CECR2: variants seen among roughly 807,000 people sequenced by gnomAD.
CECR2 encodes chromatin remodeling regulator CECR2.
CECR2 carries 30 observed loss-of-function variants against 154.5 expected under a neutral mutation model. That is an observed-to-expected ratio of 0.19 (90% CI 0.15 to 0.26). The LOEUF (loss-of-function observed/expected upper bound fraction) is 0.26, where lower values mean the gene tolerates loss of function less well. Among genes scored for constraint, CECR2 ranks in the 10% least tolerant of loss-of-function variants. The pLI is 1.00. For synonymous variants in CECR2, 725 were observed against 683.7 expected (o/e 1.06, Z -0.94); for missense variants, 1,743 against 1,829.3 (o/e 0.95, Z 0.86).
chr22:17,422,194 G>GTTTTGT (rs1337478786), intron 1 of CECR2, among the ~76,000 whole-genome samples: 3 of 151,874 alleles, frequency 2.0e-5, no homozygotes, highest in East Asian at 1.9e-4. Flanking sequence ...GAGTAGTTTT[G>GTTTTGT]TTTTGTTTTT....
At chr22:17,491,313 C>T (rs1475198595) in intron 2 of CECR2, among the ~76,000 whole-genome samples, 1 of 152,090 alleles carries the variant, frequency 6.6e-6, no homozygotes, top group Non-Finnish European at 1.5e-5. Context: ...TTCCCACCGG[C>T]CGTGTGTGAG....
At chr22:17,419,546 AGAG>A (rs202213584) in intron 1 of CECR2, 6,933 of 194,926 alleles carry the variant, frequency 0.036, 116 homozygotes, top group African/African-American at 0.065. Flanking sequence ...AGGAAGAGGA[AGAG>A]GAGGAGGAGG....
intron 1 of CECR2, among the ~76,000 whole-genome samples, chr22:17,462,756 A>G (rs917573873): frequency 6.6e-6 from 1 of 152,100 alleles, no homozygotes; most frequent in Non-Finnish European, 1.5e-5. Context: ...TCTACTAAAA[A>G]TCAAAAATCA....
intron 1 of CECR2, among the ~76,000 whole-genome samples, chr22:17,372,237 C>T (rs1365934317): frequency 2.0e-5 from 3 of 152,146 alleles, no homozygotes; most frequent in Non-Finnish European, 4.4e-5. Flanking sequence ...CTTTTCTCAC[C>T]TGCAGTTTTT....
chr22:17,530,492 T>C (rs1268635637), intron 9 of CECR2, among the ~76,000 whole-genome samples: 1 of 151,426 alleles, frequency 6.6e-6, no homozygotes, highest in Non-Finnish European at 1.5e-5. Flanking sequence ...GCCAACATGG[T>C]GAAACCCCGT....
intron 6 of CECR2, among the ~76,000 whole-genome samples, 165 bp downstream of exon 6, chr22:17,503,296 G>A (rs2055773709): frequency 6.6e-6 from 1 of 152,088 alleles, no homozygotes; most frequent in African/African-American, 2.4e-5. Flanking sequence ...CTTATCCTGT[G>A]CCCAGCTCAT....
chr22:17,401,632 A>G (rs1400857236), intron 1 of CECR2, among the ~76,000 whole-genome samples: 2 of 152,168 alleles, frequency 1.3e-5, no homozygotes, highest in Non-Finnish European at 2.9e-5. Context: ...TTCATTCTGT[A>G]GCATGCGTCA....
intron 8 of CECR2, among the ~76,000 whole-genome samples, chr22:17,516,950 G>A (rs1000467785): frequency 6.0e-5 from 9 of 150,648 alleles, no homozygotes; most frequent in South Asian, 2.1e-4. Flanking sequence ...TCACTCTGTC[G>A]CCCAGGCTGG....
Position 17,524,145 on chromosome 22 carries a change from A to G in CECR2, c.982A>G (p.Lys328Glu), listed in dbSNP as rs777102530. ...EETPVLTRIE[K>E]QKRKEEEEER... ...GACTCCTGTGCTGACCAGAATAGAA[A>G]AACAAAAGCGCAAAGAGGAGGAAGA... is the stretch of plus-strand genomic sequence containing the variant. The change falls in exon 9 of 19, where the codon AAA becomes GAA. Residue 328 changes from lysine (K) to glutamate (E), a missense_variant. Lys to Glu is a moderately conservative substitution (Grantham distance 56). Transcript: ENST00000262608. 6.3e-7 allele frequency: 1 copy of G among 1,598,728 alleles called. No individual in the cohort carries two copies. The highest frequency in any genetic ancestry group is 1.1e-5 in the South Asian group (1 of 88,166).
At position 17,539,097 on chromosome 22, in the gene CECR2, A is replaced by G. The variant is rs376846244; in HGVS notation, c.1473A>G (p.Arg491=). ...TGAAGACCATGTTCAGGAATTGTCG[A>G]AAGTATAATGGGGAAAGTAGTGGTA... ...NDMKTMFRNC[R]KYNGESSEYT... The change falls in exon 13 of 19, where the codon CGA becomes CGG. Residue 491 remains arginine (R), a synonymous_variant. Coordinates refer to ENST00000262608, the MANE Select transcript of CECR2 (RefSeq NM_001290047.2). 1 of 1,613,770 alleles carries G rather than the reference A, an allele frequency of 6.2e-7. No individual in the cohort carries two copies. Among genetic ancestry groups the G allele is most frequent in the South Asian group, 1.1e-5 (1 of 91,082 alleles).
At chr22:17,459,488 G>T (rs5746407) in intron 1 of CECR2, among the ~76,000 whole-genome samples, 37,945 of 151,628 alleles carry the variant, frequency 0.25, 6,130 homozygotes, top group East Asian at 0.54. Flanking sequence ...TTTGTTTTTG[G>T]TTTTTGTAAA....
intron 3 of CECR2, among the ~76,000 whole-genome samples, chr22:17,498,345 T>G (rs1340677208): frequency 2.0e-5 from 3 of 151,540 alleles, no homozygotes; most frequent in Admixed American, 6.6e-5. Flanking sequence ...GAGCCGAGAT[T>G]GCGCCACTGC....
chr22:17,539,411 A>C (rs1320930939), intron 13 of CECR2, among the ~76,000 whole-genome samples: 1 of 152,170 alleles, frequency 6.6e-6, no homozygotes, highest in Non-Finnish European at 1.5e-5. Flanking sequence ...CTGACCCTAC[A>C]TAGAGCTGAC....
chr22:17,363,209 C>T (rs991472498), intron 1 of CECR2, among the ~76,000 whole-genome samples: 1 of 150,888 alleles, frequency 6.6e-6, no homozygotes, highest in African/African-American at 2.4e-5. Flanking sequence ...CCTACCACAC[C>T]TGGCTAATTT....
chr22:17,481,049 T>TAAAAAAAAAAAAACAAAAAAAA (rs572712907), intron 2 of CECR2, among the ~76,000 whole-genome samples: 1 of 92,068 alleles, frequency 1.1e-5, no homozygotes. Context: ...CTTTTTTTTT[T>TAAAAAAAAAAAAACAAAAAAAA]AAAAAAAAAA....
intron 1 of CECR2, among the ~76,000 whole-genome samples, chr22:17,459,663 A>G (rs1004041210): frequency 2.6e-5 from 4 of 152,234 alleles, no homozygotes; most frequent in African/African-American, 7.2e-5. Flanking sequence ...GAAAAAGAGA[A>G]CAATGAAAGC....
At chr22:17,372,819 G>A (rs1286354524) in intron 1 of CECR2, among the ~76,000 whole-genome samples, 5 of 152,130 alleles carry the variant, frequency 3.3e-5, no homozygotes, top group Admixed American at 6.6e-5. Flanking sequence ...TTGGGTATCA[G>A]TTATTTCAGG....
At chr22:17,451,943 G>C (rs571446856) in intron 1 of CECR2, among the ~76,000 whole-genome samples, 1 of 152,346 alleles carries the variant, frequency 6.6e-6, no homozygotes, top group African/African-American at 2.4e-5. Flanking sequence ...CTTGAGGCCT[G>C]TTAGTGGACT....
chr22:17,391,885 T>TC (rs1239758281), intron 1 of CECR2, among the ~76,000 whole-genome samples: 2 of 152,218 alleles, frequency 1.3e-5, no homozygotes, highest in Non-Finnish European at 2.9e-5. Context: ...CACTGTAACT[T>TC]CCGTCTCCCA....
Sources: gnomAD v4.1 joint callset for allele counts (sites outside exome capture counted in the v4.1 genomes callset) on GRCh38, gnomAD v4.1.1 for gene constraint, MANE v1.5 for transcripts, NCBI Gene and HGNC (gene_info 2026-07-23, HGNC 2026-07-21) for gene names.